The following PTK2 variants were observed in gnomAD, a reference collection of about 807,000 sequenced individuals.
PTK2 encodes focal adhesion kinase 1.
In PTK2, 45 loss-of-function variants were observed where a neutral mutation model predicts 150.1. The observed-to-expected ratio is 0.30, with a 90% CI of 0.24 to 0.38. The LOEUF (loss-of-function observed/expected upper bound fraction) is 0.38. Among genes scored for constraint, PTK2 ranks in the 10% least tolerant of loss-of-function variants. The pLI is 1.00. For missense variants in PTK2, 919 were observed against 1,307.3 expected (o/e 0.70, Z 4.58); for synonymous variants, 432 against 449.2 (o/e 0.96, Z 0.48).
At position 140,680,929 on chromosome 8, in the gene PTK2, C is replaced by T. The variant is rs892634283; in HGVS notation, c.2563-5430G>A. On this transcript the variant is annotated intron_variant, in intron 27 of 31. Coordinates refer to ENST00000522684, the Ensembl canonical transcript of PTK2. ...CTAGAAGTCAACTCAGTAGTTTCAC[C>T]CTTATTAGGGTAAAACTTTAACTCC... Among the ~76,000 whole-genome samples, 5 of 152,224 alleles carry T rather than the reference C, an allele frequency of 3.3e-5. No individual in the cohort carries two copies. The South Asian group carries it at 1.0e-3, about 32-fold the overall frequency.
At chr8:140,997,393 G>C (rs1300740499) in intron 1 of PTK2, among the ~76,000 whole-genome samples, 1 of 152,190 alleles carries the variant, frequency 6.6e-6, no homozygotes, top group Non-Finnish European at 1.5e-5. Flanking sequence ...GTCCAATTTT[G>C]AAAGAAGTTC....
At chr8:140,719,493 T>G (rs975761015) in intron 22 of PTK2, among the ~76,000 whole-genome samples, 1 of 152,084 alleles carries the variant, frequency 6.6e-6, no homozygotes, top group Non-Finnish European at 1.5e-5. Flanking sequence ...AGGGCCACTC[T>G]CTCTGCCCTG....
chr8:140,690,433 A>G (rs2100022472), intron 26 of PTK2, among the ~76,000 whole-genome samples: 1 of 152,200 alleles, frequency 6.6e-6, no homozygotes, highest in Non-Finnish European at 1.5e-5. Context: ...AGTTAGAGCT[A>G]TAGTCTAAGA....
chr8:140,796,822 A>T (rs1447386511), intron 12 of PTK2, among the ~76,000 whole-genome samples: 1 of 152,154 alleles, frequency 6.6e-6, no homozygotes. Flanking sequence ...GAAATTGGTG[A>T]CTTAACTTAC....
At chr8:140,666,368 C>T (rs1272240740) in intron 30 of PTK2, among the ~76,000 whole-genome samples, 1 of 151,448 alleles carries the variant, frequency 6.6e-6, no homozygotes, top group Non-Finnish European at 1.5e-5. Flanking sequence ...ACAAAAAACC[C>T]AACAACAACA....
chr8:140,970,151 T>A (rs934352155), intron 1 of PTK2, among the ~76,000 whole-genome samples: 6 of 152,220 alleles, frequency 3.9e-5, no homozygotes, highest in Non-Finnish European at 8.8e-5. Context: ...CCTCTGCCCA[T>A]CTCAGATGAG....
In PTK2 at chr8:140,902,938, T is replaced by TTTTG. The variant is rs1568516445; in HGVS notation, c.-32-12170_-32-12169insCAAA. On this transcript the variant is annotated intron_variant, in intron 2 of 31. Transcript: ENST00000522684. The stretch of plus-strand genomic sequence containing the variant: ...TGATGAGAGTTGTTTTTTTTTTTTT[T>TTTTG]TTTTTTTTTTTTTTTTTTTTTGCCA... 4.2e-4 allele frequency among the ~76,000 whole-genome samples: 57 copies of TTTTG among 137,016 alleles called. 1 individual carries two copies. Among genetic ancestry groups the TTTTG allele is most frequent in the Non-Finnish European group, 6.7e-4 (43 of 63,998 alleles). The allele number at this position is 137,016 out of a possible 152,430, so 89.9% of individuals were successfully genotyped here. A position where few individuals can be genotyped will look rare whatever the true frequency, so the allele number is the denominator to read the frequency against.
intron 2 of PTK2, among the ~76,000 whole-genome samples, chr8:140,912,163 A>G (rs1004658978): frequency 6.6e-6 from 1 of 152,142 alleles, no homozygotes; most frequent in African/African-American, 2.4e-5. Flanking sequence ...GGACTGCTTG[A>G]GCCCAGGACT....
intron 2 of PTK2, among the ~76,000 whole-genome samples, chr8:140,922,161 G>T (rs1226641822): frequency 6.6e-6 from 1 of 152,100 alleles, no homozygotes; most frequent in African/African-American, 2.4e-5. Flanking sequence ...AGGCTTATTT[G>T]TGTCCAGTGA....
intron 24 of PTK2, 37 bp from the exon 28 acceptor site, chr8:140,702,744 A>AT: frequency 6.2e-7 from 1 of 1,603,882 alleles, no homozygotes; most frequent in East Asian, 2.2e-5. Flanking sequence ...ATGTTCAACT[A>AT]TAACATCTGC....
intron 1 of PTK2, among the ~76,000 whole-genome samples, chr8:140,988,779 T>C (rs2100194409): frequency 6.7e-6 from 1 of 148,642 alleles, no homozygotes; most frequent in South Asian, 2.1e-4. Context: ...ACAAGTGATT[T>C]ACAACAAAGG....
rs538792440 is a variant in PTK2, at chr8:140,907,525, A to C, written c.-32-16756T>G. 6.6e-5 allele frequency among the ~76,000 whole-genome samples: 10 copies of C among 152,294 alleles called. No homozygotes were observed. In the East Asian group the frequency reaches 1.9e-3, roughly 29 times the overall value. On this transcript the variant is annotated intron_variant, in intron 2 of 31. Transcript: ENST00000522684. ...AATTTGCCTTCCCCAGCAATCATAG[A>C]AATTGATAATTCATCCAACTGCCTT... is the stretch of plus-strand genomic sequence containing the variant.
At chr8:140,867,856 C>G (rs1247627284) in intron 4 of PTK2, among the ~76,000 whole-genome samples, 1 of 152,172 alleles carries the variant, frequency 6.6e-6, no homozygotes, top group Non-Finnish European at 1.5e-5. Context: ...TGCCTGACAC[C>G]ATGTTCTCGT....
At chr8:140,706,901 T>C (rs944318437) in intron 23 of PTK2, among the ~76,000 whole-genome samples, 1 of 152,296 alleles carries the variant, frequency 6.6e-6, no homozygotes, top group East Asian at 1.9e-4. Context: ...AACATGTACA[T>C]GAATGTTCTT....
At chr8:140,676,413 A>AATTAATTAATTAAT (rs1554666251) in intron 27 of PTK2, among the ~76,000 whole-genome samples, 3 of 99,454 alleles carry the variant, frequency 3.0e-5, no homozygotes, top group African/African-American at 1.0e-4. Flanking sequence ...TTAATTAATT[A>AATTAATTAATTAAT]ATATATATAT....
At chr8:140,878,256 C>T (rs574125724) in intron 4 of PTK2, among the ~76,000 whole-genome samples, 1 of 152,242 alleles carries the variant, frequency 6.6e-6, no homozygotes, top group South Asian at 2.1e-4. Flanking sequence ...GAAAATACAG[C>T]TATATTTCTT....
chr8:140,861,606 C>T (rs2100136133), intron 5 of PTK2, among the ~76,000 whole-genome samples: 1 of 152,164 alleles, frequency 6.6e-6, no homozygotes, highest in Non-Finnish European at 1.5e-5. Flanking sequence ...TTACTGTCTA[C>T]AGACTGAAAT....
chr8:140,693,588 A>T (rs1428770430), intron 26 of PTK2, among the ~76,000 whole-genome samples: 10 of 143,170 alleles, frequency 7.0e-5, no homozygotes, highest in African/African-American at 2.5e-4. Context: ...AAAAAAAAAA[A>T]AAAAAAAAAA....
intron 22 of PTK2, 105 bp from the exon 26 acceptor site, chr8:140,717,814 T>C: frequency 1.2e-6 from 1 of 840,760 alleles, no homozygotes; most frequent in South Asian, 1.4e-5. Flanking sequence ...TAACAGTAGA[T>C]GATAACAATA....
Sources: gnomAD v4.1 joint callset for allele counts (sites outside exome capture counted in the v4.1 genomes callset) on GRCh38, gnomAD v4.1.1 for gene constraint, MANE v1.5 for transcripts, NCBI Gene and HGNC (gene_info 2026-07-23, HGNC 2026-07-21) for gene names.